The following IPMK variants were observed in gnomAD, a reference collection of about 807,000 sequenced individuals.
The protein encoded by IPMK is inositol polyphosphate multikinase.
A neutral mutation model predicts 45.8 loss-of-function variants in IPMK; 17 were observed. That is an observed-to-expected ratio of 0.37 (90% CI 0.25 to 0.56). The LOEUF (loss-of-function observed/expected upper bound fraction) is 0.56, where lower values mean the gene tolerates loss of function less well. Among genes scored for constraint, IPMK ranks in the 20% least tolerant of loss-of-function variants. IPMK has a pLI of 0.79. For synonymous variants in IPMK, 180 were observed against 184.3 expected (o/e 0.98, Z 0.19); for missense variants, 399 against 498.0 (o/e 0.80, Z 1.89).
chr10:58,229,224 A>G (rs148575490), intron 2 of IPMK, among the ~76,000 whole-genome samples: 1 of 152,256 alleles, frequency 6.6e-6, no homozygotes, highest in East Asian at 1.9e-4. Context: ...TTTTTTAAAT[A>G]CTAGGAAAAG....
chr10:58,199,584 G>A (rs894625008), intron 4 of IPMK, among the ~76,000 whole-genome samples: 2 of 152,114 alleles, frequency 1.3e-5, no homozygotes, highest in Non-Finnish European at 2.9e-5. Context: ...CTCAACCTAC[G>A]AGGAGTTAGT....
At chr10:58,215,301 T>G (rs1303237866) in intron 4 of IPMK, among the ~76,000 whole-genome samples, 2 of 152,098 alleles carry the variant, frequency 1.3e-5, no homozygotes, top group African/African-American at 4.8e-5. Flanking sequence ...ACTGCACACT[T>G]GAGACTAGCT....
intron 1 of IPMK, among the ~76,000 whole-genome samples, chr10:58,260,155 A>T (rs1292225514): frequency 2.0e-5 from 3 of 152,220 alleles, no homozygotes; most frequent in Non-Finnish European, 4.4e-5. Context: ...TCTTACCAAA[A>T]ATGCATAATC....
chr10:58,255,837 T>C (rs570416888), intron 1 of IPMK, among the ~76,000 whole-genome samples: 40 of 152,324 alleles, frequency 2.6e-4, no homozygotes, highest in Non-Finnish European at 4.7e-4. Context: ...GAAGATTTCA[T>C]GGACATTTAT....
chr10:58,258,160 A>G (rs2440852), intron 1 of IPMK, among the ~76,000 whole-genome samples: 4,864 of 152,018 alleles, frequency 0.032, 120 homozygotes, highest in African/African-American at 0.068. Flanking sequence ...AAATACAAAA[A>G]CTAGCCGGGC....
chr10:58,211,856 G>A (rs959108727), intron 4 of IPMK, among the ~76,000 whole-genome samples: 1 of 134,456 alleles, frequency 7.4e-6, no homozygotes, highest in Non-Finnish European at 1.5e-5. Flanking sequence ...AGGCTGCAGG[G>A]AGCCATGATC....
chr10:58,197,388 C>T (rs144673670), intron 5 of IPMK, among the ~76,000 whole-genome samples: 2,033 of 140,064 alleles, frequency 0.015, 56 homozygotes, highest in African/African-American at 0.053. Flanking sequence ...CGGTGGCTCA[C>T]GCCTGTAATC....
At chr10:58,198,283 C>T (rs1837939180) in intron 5 of IPMK, among the ~76,000 whole-genome samples, 1 of 152,062 alleles carries the variant, frequency 6.6e-6, no homozygotes, top group East Asian at 1.9e-4. Flanking sequence ...AAAATTGAGA[C>T]CTTTAAATGT....
At chr10:58,206,983 G>GTATATATA (rs59628756) in intron 4 of IPMK, among the ~76,000 whole-genome samples, 154 of 150,336 alleles carry the variant, frequency 1.0e-3, no homozygotes, top group African/African-American at 3.6e-3. Context: ...AGTCCACCAT[G>GTATATATA]TATATATATA....
intron 4 of IPMK, among the ~76,000 whole-genome samples, chr10:58,204,390 C>T (rs1400344833): frequency 6.6e-6 from 1 of 151,986 alleles, no homozygotes; most frequent in East Asian, 1.9e-4. Flanking sequence ...TCGTACGTCA[C>T]CATATTAGTT....
chr10:58,240,657 GA>G (rs200716414), intron 1 of IPMK, among the ~76,000 whole-genome samples: 6,867 of 113,966 alleles, frequency 0.06, 371 homozygotes, highest in East Asian at 0.34. Flanking sequence ...CATACACCAC[GA>G]AAAAAAAAAA....
chr10:58,229,833 A>G (rs1588961691), intron 2 of IPMK, among the ~76,000 whole-genome samples: 1 of 152,084 alleles, frequency 6.6e-6, no homozygotes, highest in East Asian at 1.9e-4. Flanking sequence ...CCTGGTTCAC[A>G]TCATTGGGAT....
intron 1 of IPMK, among the ~76,000 whole-genome samples, chr10:58,245,382 G>A (rs1024958082): frequency 3.3e-5 from 5 of 152,012 alleles, no homozygotes; most frequent in African/African-American, 1.2e-4. Flanking sequence ...GGGAGGCCAA[G>A]ACAGCCGGAT....
chr10:58,265,599 A>G (rs182130133), intron 1 of IPMK, among the ~76,000 whole-genome samples: 197 of 152,346 alleles, frequency 1.3e-3, no homozygotes, highest in Admixed American at 2.1e-3. Context: ...TTGCTAGCAC[A>G]GTATGTTTAA....
rs745880735 is a variant in IPMK at position 58,267,568 on chromosome 10, C to G, written c.44G>C (p.Gly15Ala). 6 of 1,608,472 alleles carry G rather than the reference C, an allele frequency of 3.7e-6. No homozygotes were observed. Among genetic ancestry groups the G allele is most frequent in the Middle Eastern group, 1.8e-4 (1 of 5,632 alleles). The part of the protein sequence containing the change: ...PPSPLRVEAP[G>A]PPEMRTSPAI... ...CGGTGAGGTCCGCATTTCTGGGGGGCCCGGCGCCTCGACCCGGAGGGGGGA... is the reference window on the plus strand; with the variant it reads ...CGGTGAGGTCCGCATTTCTGGGGGGGCCGGCGCCTCGACCCGGAGGGGGGA... Residue 15 changes from glycine to alanine, a missense_variant, in exon 1 of 6, where the codon GGC (glycine) becomes GCC (alanine). By Grantham distance (60) the Gly-to-Ala change is moderately conservative. This residue lies in a region of IPMK where 111 missense variants were observed against 99.9 expected (regional missense o/e 1.11). Transcript: ENST00000373935.
intron 1 of IPMK, 43 bp downstream of exon 1, chr10:58,267,379 C>T (rs1839164614): frequency 2.5e-6 from 4 of 1,599,142 alleles, no homozygotes; most frequent in Middle Eastern, 1.7e-4. Context: ...GGGGCTCGCA[C>T]AGGCGGAAGG....
At chr10:58,263,465 A>C (rs1193852625) in intron 1 of IPMK, among the ~76,000 whole-genome samples, 2 of 151,772 alleles carry the variant, frequency 1.3e-5, no homozygotes. Context: ...CGGAGGTTGC[A>C]GTGAGTCAAG....
At chr10:58,200,840 G>A (rs999327902) in intron 4 of IPMK, among the ~76,000 whole-genome samples, 1 of 152,092 alleles carries the variant, frequency 6.6e-6, no homozygotes, top group Non-Finnish European at 1.5e-5. Flanking sequence ...GTTCTTTTTG[G>A]TAGATAATAT....
intron 1 of IPMK, among the ~76,000 whole-genome samples, chr10:58,251,774 ATT>A (rs1838884124): frequency 6.6e-6 from 1 of 152,164 alleles, no homozygotes; most frequent in African/African-American, 2.4e-5. Flanking sequence ...TTGACAGTTT[ATT>A]TTATCTGATA....
Sources: gnomAD v4.1 joint callset for allele counts (sites outside exome capture counted in the v4.1 genomes callset) on GRCh38, gnomAD v4.1.1 for gene constraint, gnomAD v4.1.1 regional missense constraint, MANE v1.5 for transcripts, NCBI Gene and HGNC (gene_info 2026-07-23, HGNC 2026-07-21) for gene names.